Variants in ENDOD1 observed in about 807,000 individuals in gnomAD.
The protein encoded by ENDOD1 is endonuclease domain containing 1.
ENDOD1 carries 9 observed loss-of-function variants against 6.5 expected under a neutral mutation model. The ratio of observed to expected loss-of-function variants is 1.39; its 90% CI spans 0.84 to 2.43. ENDOD1 has a LOEUF of 2.43. ENDOD1 is among the 30% of genes most tolerant of loss of function. The pLI is 0.00. For missense variants in ENDOD1, 648 were observed against 635.5 expected (o/e 1.02, Z -0.21); for synonymous variants, 255 against 255.2 (o/e 1.00, Z 0.01).
chr11:95,090,318 C>T (rs909893641), intron 1 of ENDOD1, 91 bp downstream of exon 1: 3 of 1,339,014 alleles, frequency 2.2e-6, no homozygotes, highest in Non-Finnish European at 2.9e-6. Flanking sequence ...AGGGGCGGGC[C>T]GGGAACAGCA....
In ENDOD1 at chr11:95,128,495, A is replaced by G; in HGVS notation, c.419A>G (p.Gln140Arg). 1 of 1,614,242 alleles carries G rather than the reference A, an allele frequency of 6.2e-7. No homozygotes were observed. Among genetic ancestry groups the G allele is most frequent in the East Asian group, 2.2e-5 (1 of 44,890 alleles). The change falls in exon 2 of 2, where the codon CAA (glutamine) becomes CGA (arginine). Residue 140 changes from glutamine to arginine, a missense_variant. Gln to Arg is a conservative substitution (Grantham distance 43). Coordinates refer to ENST00000278505, the MANE Select transcript of ENDOD1 (RefSeq NM_015036.3). ...ACAGATTACCTTGATTCTGATTACC[A>G]AAGAGGACAGCTTTACCCATTCTCC... ...LNTDYLDSDY[Q>R]RGQLYPFSLS... is the part of the protein sequence containing the mutation.
intron 1 of ENDOD1, among the ~76,000 whole-genome samples, chr11:95,113,458 T>C (rs1859169982): frequency 6.6e-6 from 1 of 152,212 alleles, no homozygotes; most frequent in Non-Finnish European, 1.5e-5. Context: ...AGTTCAATTA[T>C]TTTGATTTTT....
At chr11:95,104,725 C>G (rs1859073558) in intron 1 of ENDOD1, among the ~76,000 whole-genome samples, 1 of 152,228 alleles carries the variant, frequency 6.6e-6, no homozygotes, top group Non-Finnish European at 1.5e-5. Flanking sequence ...GAGATACACA[C>G]TGAGCTCAAA....
chr11:95,113,353 AT>A (rs559413538), intron 1 of ENDOD1, among the ~76,000 whole-genome samples: 2 of 151,902 alleles, frequency 1.3e-5, no homozygotes, highest in East Asian at 1.9e-4. Flanking sequence ...CTTTCTTTCT[AT>A]TTTTTTGTAC....
rs1462411610 is a variant in ENDOD1 at position 95,132,101 on chromosome 11, C to T, written c.*2522C>T. On this transcript the variant is annotated 3_prime_UTR_variant, in exon 2 of 2. Transcript: ENST00000278505. Reference sequence around the variant, plus strand: ...AGAGGTTGGGGTTTATGAACCCCAACTCTGGCTTAAAGATCTTGCTGTGGC... The same window carrying T: ...AGAGGTTGGGGTTTATGAACCCCAATTCTGGCTTAAAGATCTTGCTGTGGC... 6.6e-6 allele frequency: 1 copy of T among 152,646 alleles called. No individual in the cohort carries two copies. Among genetic ancestry groups the T allele is most frequent in the Non-Finnish European group, 1.5e-5 (1 of 68,048 alleles). The allele number at this position is 152,646 out of a possible 1,614,324, so 9.5% of individuals were successfully genotyped here. A position where few individuals can be genotyped will look rare whatever the true frequency, so the allele number is the denominator to read the frequency against.
chr11:95,104,373 G>A (rs915725753), intron 1 of ENDOD1, among the ~76,000 whole-genome samples: 3 of 151,796 alleles, frequency 2.0e-5, no homozygotes, highest in Admixed American at 2.0e-4. Context: ...CCTGATCCTG[G>A]GAGGTCGAGG....
At chr11:95,107,097 C>T (rs1299080876) in intron 1 of ENDOD1, among the ~76,000 whole-genome samples, 1 of 151,938 alleles carries the variant, frequency 6.6e-6, no homozygotes, top group African/African-American at 2.4e-5. Flanking sequence ...GAGATCTAGC[C>T]CCATGGTTCC....
chr11:95,115,637 A>G (rs1212499867), intron 1 of ENDOD1, among the ~76,000 whole-genome samples: 1 of 151,706 alleles, frequency 6.6e-6, no homozygotes, highest in Admixed American at 6.6e-5. Context: ...TTGTGGGTCT[A>G]TTATATATAT....
At position 95,090,005 on chromosome 11, in the gene ENDOD1, G is replaced by A; in HGVS notation, c.78G>A (p.Glu26=). The part of the protein sequence containing the change: ...AGLLEGRLVG[E]EEAGFGECDK... Reference sequence around the variant, plus strand: ...TGCTGGAAGGCCGGCTCGTGGGCGAGGAGGAAGCCGGCTTTGGCGAATGTG... The same window carrying A: ...TGCTGGAAGGCCGGCTCGTGGGCGAAGAGGAAGCCGGCTTTGGCGAATGTG... Residue 26 remains glutamate (E), a synonymous_variant, in exon 1 of 2, where the codon GAG becomes GAA. Transcript: ENST00000278505. 6.4e-7 allele frequency: 1 copy of A among 1,572,632 alleles called. No homozygotes were observed. The highest frequency in any genetic ancestry group is 8.6e-7 in the Non-Finnish European group (1 of 1,161,506).
chr11:95,128,656 G>A lies in ENDOD1; in HGVS notation c.580G>A (p.Glu194Lys). 6.2e-7 allele frequency: 1 copy of A among 1,614,196 alleles called. No individual in the cohort carries two copies. The highest frequency in any genetic ancestry group is 8.5e-7 in the Non-Finnish European group (1 of 1,180,032). The change falls in exon 2 of 2, where the codon GAA (glutamate) becomes AAA (lysine). Residue 194 changes from glutamate (E) to lysine (K), a missense_variant. Physicochemically the swap from Glu to Lys is moderately conservative, Grantham distance 56. Transcript: ENST00000278505. ...RALTPQCGSGEDLYILTGTVP... is the reference protein window; with the variant it reads ...RALTPQCGSGKDLYILTGTVP... ...TTTGACCCCACAGTGTGGCAGTGGG[G>A]AAGACCTATATATCCTCACAGGCAC...
At chr11:95,107,588 A>G (rs1859101982) in intron 1 of ENDOD1, among the ~76,000 whole-genome samples, 1 of 152,180 alleles carries the variant, frequency 6.6e-6, no homozygotes, top group South Asian at 2.1e-4. Context: ...CGTGGAAGGA[A>G]ACCAAAGAAG....
chr11:95,096,764 AG>A, intron 1 of ENDOD1, among the ~76,000 whole-genome samples: 1 of 152,162 alleles, frequency 6.6e-6, no homozygotes, highest in Non-Finnish European at 1.5e-5. Flanking sequence ...GCTATGTGTG[AG>A]GCACTATTCT....
intron 1 of ENDOD1, among the ~76,000 whole-genome samples, chr11:95,103,298 C>A (rs1190781915): frequency 6.6e-6 from 1 of 152,070 alleles, no homozygotes; most frequent in Non-Finnish European, 1.5e-5. Flanking sequence ...GAAACAAACT[C>A]ACCTTGTTTA....
chr11:95,103,096 AGTGGGTGTGTGTGTGTGTGTGTGTGT>A (rs2099683495), intron 1 of ENDOD1, among the ~76,000 whole-genome samples: 2 of 56,432 alleles, frequency 3.5e-5, no homozygotes, highest in South Asian at 1.6e-3. Flanking sequence ...AACTAGGCAG[AGTGGGTGTGTGTGTGTGTGTGTGTGT>A]GTGTGTGTGT....
At chr11:95,125,515 C>A (rs534367539) in intron 1 of ENDOD1, among the ~76,000 whole-genome samples, 145 of 152,140 alleles carry the variant, frequency 9.5e-4, no homozygotes, top group Non-Finnish European at 1.8e-3. Flanking sequence ...CATATGTATA[C>A]ATGTGCCATG....
chr11:95,097,796 A>G (rs1357475011), intron 1 of ENDOD1, among the ~76,000 whole-genome samples: 1 of 152,204 alleles, frequency 6.6e-6, no homozygotes, highest in Non-Finnish European at 1.5e-5. Context: ...AGTGAGAGAA[A>G]GGGAAGAGAT....
chr11:95,102,526 G>T (rs1859050430), intron 1 of ENDOD1, among the ~76,000 whole-genome samples: 1 of 151,950 alleles, frequency 6.6e-6, no homozygotes, highest in Non-Finnish European at 1.5e-5. Flanking sequence ...ACAAAAATTA[G>T]CTGGGCGTGG....
chr11:95,090,534 C>G (rs951227938), intron 1 of ENDOD1, among the ~76,000 whole-genome samples: 2 of 152,224 alleles, frequency 1.3e-5, no homozygotes, highest in Non-Finnish European at 2.9e-5. Context: ...CGCAGTGTTT[C>G]ATTCCTGAAT....
At chr11:95,112,354 A>T (rs1265116847) in intron 1 of ENDOD1, among the ~76,000 whole-genome samples, 1 of 151,896 alleles carries the variant, frequency 6.6e-6, no homozygotes, top group Non-Finnish European at 1.5e-5. Context: ...GAAATCAGAG[A>T]AGCTGGGCTT....
Sources: gnomAD v4.1 joint callset for allele counts (sites outside exome capture counted in the v4.1 genomes callset) on GRCh38, gnomAD v4.1.1 for gene constraint, MANE v1.5 for transcripts, NCBI Gene and HGNC (gene_info 2026-07-23, HGNC 2026-07-21) for gene names.